The following STX8 variants were observed in gnomAD, a reference collection of about 807,000 sequenced individuals.
STX8 encodes syntaxin 8, also known as syntaxin-8.
In STX8, 23 loss-of-function variants were observed where a neutral mutation model predicts 37.5. The observed-to-expected ratio is 0.61, with a 90% confidence interval of 0.44 to 0.87. The LOEUF is 0.87. Ranked by LOEUF, STX8 falls within the 40% of genes least tolerant of loss-of-function variation. The pLI is 0.00. For synonymous variants in STX8, 115 were observed against 99.1 expected (o/e 1.16, Z -0.95); for missense variants, 313 against 284.7 (o/e 1.10, Z -0.71).
chr17:9,252,822 C>T (rs571339208), intron 7 of STX8, among the ~76,000 whole-genome samples: 1 of 152,302 alleles, frequency 6.6e-6, no homozygotes, highest in Admixed American at 6.5e-5. Flanking sequence ...GCTCTGCCAA[C>T]TTTGGTTCAT....
intron 7 of STX8, among the ~76,000 whole-genome samples, chr17:9,272,885 C>T (rs549257252): frequency 6.6e-6 from 1 of 152,366 alleles, no homozygotes; most frequent in Non-Finnish European, 1.5e-5. Context: ...TCTTTCCCCA[C>T]TGCCACACTC....
intron 6 of STX8, among the ~76,000 whole-genome samples, chr17:9,448,979 A>T (rs1904948444): frequency 6.6e-6 from 1 of 152,196 alleles, no homozygotes; most frequent in Non-Finnish European, 1.5e-5. Flanking sequence ...AGATTAAAAA[A>T]ATTTCTAAAA....
chr17:9,290,469 C>A (rs72814162), intron 7 of STX8, among the ~76,000 whole-genome samples: 24,245 of 152,090 alleles, frequency 0.16, 2,488 homozygotes, highest in Non-Finnish European at 0.22. Flanking sequence ...CACGTGTGCG[C>A]GTATACGCAC....
intron 7 of STX8, among the ~76,000 whole-genome samples, chr17:9,307,040 C>G (rs1909021169): frequency 6.6e-6 from 1 of 152,080 alleles, no homozygotes; most frequent in Non-Finnish European, 1.5e-5. Context: ...AGGAGAATAC[C>G]TGGAACCTGG....
At chr17:9,372,978 C>A (rs1003751645) in intron 7 of STX8, among the ~76,000 whole-genome samples, 1 of 150,964 alleles carries the variant, frequency 6.6e-6, no homozygotes, top group African/African-American at 2.4e-5. Context: ...GTGGTGCATG[C>A]CTGTAATCCC....
At chr17:9,516,061 G>T (rs1905148180) in intron 4 of STX8, among the ~76,000 whole-genome samples, 1 of 151,862 alleles carries the variant, frequency 6.6e-6, no homozygotes, top group African/African-American at 2.4e-5. Context: ...TACTGCAAAT[G>T]CAAGTGGGTC....
At chr17:9,376,064 T>C (rs1911570276) in intron 7 of STX8, among the ~76,000 whole-genome samples, 1 of 152,124 alleles carries the variant, frequency 6.6e-6, no homozygotes, top group Non-Finnish European at 1.5e-5. Context: ...TTTCTTATAA[T>C]TAGGAAACTG....
chr17:9,533,670 G>A (rs1342507037), intron 4 of STX8, among the ~76,000 whole-genome samples: 1 of 152,124 alleles, frequency 6.6e-6, no homozygotes, highest in East Asian at 1.9e-4. Context: ...TCAATAAAAG[G>A]AGAAGTGACA....
chr17:9,297,445 G>A (rs1908605281), intron 7 of STX8, among the ~76,000 whole-genome samples: 1 of 152,134 alleles, frequency 6.6e-6, no homozygotes, highest in African/African-American at 2.4e-5. Flanking sequence ...GCAACAAAAT[G>A]GATGTGGAGA....
intron 4 of STX8, among the ~76,000 whole-genome samples, chr17:9,539,829 A>G (rs1906205271): frequency 6.6e-6 from 1 of 152,188 alleles, no homozygotes; most frequent in Non-Finnish European, 1.5e-5. Context: ...ACAGAAACCA[A>G]CTGGCAGAGA....
Position 9,507,329 on chromosome 17 carries a change from C to T in STX8, c.324-2167G>A, listed in dbSNP as rs889054619. Among the ~76,000 whole-genome samples, 2 of 152,208 alleles carry T rather than the reference C, an allele frequency of 1.3e-5. No individual in the cohort carries two copies. The highest frequency in any genetic ancestry group is 1.3e-4 in the Admixed American group (2 of 15,296). On this transcript the variant is annotated intron_variant, in intron 4 of 7. Coordinates refer to ENST00000306357, the MANE Select transcript of STX8 (RefSeq NM_004853.3). This position sits in a 1 kb window ranked among gnomAD's most constrained non-coding sequence, Gnocchi z 4.0. Reference sequence around the variant, plus strand: ...CCATATCTCAGGCCTGAAAAACAGCCCATGGGTCACCCCTAGCGGCAACTC... The same window carrying T: ...CCATATCTCAGGCCTGAAAAACAGCTCATGGGTCACCCCTAGCGGCAACTC...
intron 4 of STX8, among the ~76,000 whole-genome samples, chr17:9,537,757 CAA>C (rs1906117060): frequency 6.6e-6 from 1 of 152,182 alleles, no homozygotes; most frequent in Admixed American, 6.5e-5. Flanking sequence ...AAATATAGAT[CAA>C]GAGACAAAAT....
intron 6 of STX8, among the ~76,000 whole-genome samples, chr17:9,460,677 A>AAG: frequency 6.8e-6 from 1 of 148,066 alleles, no homozygotes; most frequent in East Asian, 1.9e-4. Flanking sequence ...CTGTCTCAAA[A>AAG]AAAAAAAAAA....
chr17:9,311,129 C>G (rs1909174193), intron 7 of STX8, among the ~76,000 whole-genome samples: 1 of 151,488 alleles, frequency 6.6e-6, no homozygotes, highest in South Asian at 2.1e-4. Flanking sequence ...CCCAGCTACT[C>G]AGGAGGCTGA....
intron 6 of STX8, among the ~76,000 whole-genome samples, chr17:9,473,099 G>A (rs897860134): frequency 7.9e-5 from 12 of 151,516 alleles, no homozygotes; most frequent in Admixed American, 3.9e-4. Context: ...CTGGAGTGCG[G>A]TGGCACAATC....
chr17:9,322,777 T>G (rs2142206277), intron 7 of STX8, among the ~76,000 whole-genome samples: 1 of 148,278 alleles, frequency 6.7e-6, no homozygotes, highest in South Asian at 2.1e-4. Flanking sequence ...CAGTCAGTCT[T>G]TCCTTTGTGA....
At chr17:9,461,621 C>T (rs181262322) in intron 6 of STX8, among the ~76,000 whole-genome samples, 5 of 152,220 alleles carry the variant, frequency 3.3e-5, no homozygotes, top group East Asian at 1.9e-4. Context: ...GTTAGAGCAG[C>T]GGTCTCCAGC....
At chr17:9,460,485 C>T (rs1334021449) in intron 6 of STX8, among the ~76,000 whole-genome samples, 1 of 151,986 alleles carries the variant, frequency 6.6e-6, no homozygotes, top group African/African-American at 2.4e-5. Context: ...CCAGCTTGGC[C>T]AACATGGCAA....
At chr17:9,376,771 C>T (rs1437604183) in intron 7 of STX8, among the ~76,000 whole-genome samples, 5 of 152,154 alleles carry the variant, frequency 3.3e-5, no homozygotes, top group African/African-American at 7.2e-5. Flanking sequence ...GAACAAACTC[C>T]GGACACACCA....
Sources: gnomAD v4.1 joint callset for allele counts (sites outside exome capture counted in the v4.1 genomes callset) on GRCh38, gnomAD v4.1.1 for gene constraint, Gnocchi (gnomAD v3.1) non-coding constraint, MANE v1.5 for transcripts, NCBI Gene and HGNC (gene_info 2026-07-23, HGNC 2026-07-21) for gene names.